The following SNX29 variants were observed in gnomAD, a reference collection of about 807,000 sequenced individuals.
The protein encoded by SNX29 is sorting nexin 29, also known as sorting nexin-29.
In SNX29, 78 loss-of-function variants were observed where a neutral mutation model predicts 102.1. The observed-to-expected ratio is 0.76, with a 90% CI of 0.64 to 0.92. The LOEUF (loss-of-function observed/expected upper bound fraction) is 0.92, where lower values mean the gene tolerates loss of function less well. Among genes scored for constraint, SNX29 ranks in the 40% least tolerant of loss-of-function variants. The pLI is 0.00. For synonymous variants in SNX29, 580 were observed against 414.5 expected, an observed-to-expected ratio of 1.40 and a Z score of -4.85; for missense variants, 1,280 against 1,061.7, an observed-to-expected ratio of 1.21 and a Z score of -2.86.
chr16:12,151,326 G>A (rs2055292058), intron 13 of SNX29, among the ~76,000 whole-genome samples: 1 of 152,088 alleles, frequency 6.6e-6, no homozygotes, highest in Admixed American at 6.6e-5. Flanking sequence ...AATAAAATTA[G>A]CAACAGTCTC....
chr16:12,082,773 G>C (rs1029112711), intron 11 of SNX29, among the ~76,000 whole-genome samples: 1 of 152,086 alleles, frequency 6.6e-6, no homozygotes, highest in Admixed American at 6.6e-5. Context: ...TGTACCTTTA[G>C]GAGTCTTCAA....
intron 13 of SNX29, among the ~76,000 whole-genome samples, chr16:12,170,749 TGTGTGTGTGTGAGAGGAGTGTGA>T (rs1394956056): frequency 9.7e-5 from 13 of 134,402 alleles, no homozygotes; most frequent in Non-Finnish European, 1.2e-4. Flanking sequence ...AGTGAGTGAG[TGTGTGTGTGTGAGAGGAGTGTGA>T]GTGTGTGTGT....
At chr16:12,032,203 CTTT>C (rs781326269) in intron 4 of SNX29, among the ~76,000 whole-genome samples, 5 of 124,410 alleles carry the variant, frequency 4.0e-5, no homozygotes, top group Admixed American at 8.1e-5. Context: ...TCTTCTTCTT[CTTT>C]TTTTTTTTTT....
chr16:12,568,402 GCCAATCAGAT>G, intron 20 of SNX29, 94 bp from the exon 21 acceptor site: 1 of 1,471,108 alleles, frequency 6.8e-7, no homozygotes, highest in Non-Finnish European at 9.2e-7. Context: ...AGTCACAGTT[GCCAATCAGAT>G]CCCTCCTGCC....
intron 7 of SNX29, among the ~76,000 whole-genome samples, chr16:12,048,890 C>T (rs2050195041): frequency 6.6e-6 from 1 of 152,128 alleles, no homozygotes; most frequent in East Asian, 1.9e-4. Context: ...AGCCAGATGA[C>T]GTTGATCCTC....
chr16:12,006,415 C>G (rs1278522386), intron 3 of SNX29, among the ~76,000 whole-genome samples: 1 of 150,320 alleles, frequency 6.7e-6, no homozygotes, highest in East Asian at 2.0e-4. Context: ...AGCAGGGAGG[C>G]TGAGGCAGGA....
At chr16:12,111,195 C>T (rs1443465465) in intron 11 of SNX29, among the ~76,000 whole-genome samples, 1 of 152,176 alleles carries the variant, frequency 6.6e-6, no homozygotes, top group African/African-American at 2.4e-5. Flanking sequence ...TGCACCCCAG[C>T]AGGATGGTGG....
chr16:12,381,015 C>G (rs1243833657), intron 16 of SNX29, among the ~76,000 whole-genome samples: 2 of 105,610 alleles, frequency 1.9e-5, no homozygotes, highest in African/African-American at 7.5e-5. Flanking sequence ...CATCCACCCA[C>G]CCACCATCCA....
At chr16:12,504,769 A>G (rs183593394) in intron 19 of SNX29, among the ~76,000 whole-genome samples, 6 of 152,240 alleles carry the variant, frequency 3.9e-5, no homozygotes, top group Non-Finnish European at 5.9e-5. Context: ...GTATGTATGT[A>G]TAGGAGAAAA....
At chr16:12,346,807 A>G (rs78915213) in intron 15 of SNX29, among the ~76,000 whole-genome samples, 9,631 of 152,134 alleles carry the variant, frequency 0.063, 1,007 homozygotes, top group African/African-American at 0.22. Flanking sequence ...GGGCTGTTGT[A>G]GGGGCCAGGA....
rs148805986 is a variant in SNX29 at position 12,246,515 on chromosome 16, C to T, written c.1679-31418C>T. Among the ~76,000 whole-genome samples the T allele has an allele frequency of 1.2e-3, 188 of 152,214 alleles. 3 individuals are homozygous for T. Among genetic ancestry groups the T allele is most frequent in the Middle Eastern group, 0.01 (3 of 294 alleles). ...AATTAGCTGGGTGTAGTGGCACACT[C>T]CTGTAATCCCAGCTACTCAGGAGGC... is the stretch of plus-strand genomic sequence containing the variant. On this transcript the variant is annotated intron_variant, in intron 14 of 20. Coordinates refer to ENST00000566228, the MANE Select transcript of SNX29 (RefSeq NM_032167.5).
intron 15 of SNX29, among the ~76,000 whole-genome samples, chr16:12,323,607 A>G (rs1340979057): frequency 6.6e-6 from 1 of 152,064 alleles, no homozygotes; most frequent in East Asian, 1.9e-4. Flanking sequence ...GAAAGGGAAA[A>G]GCTTTGTCTG....
At chr16:12,554,278 C>T (rs1049149963) in intron 20 of SNX29, among the ~76,000 whole-genome samples, 6 of 152,230 alleles carry the variant, frequency 3.9e-5, no homozygotes, top group African/African-American at 1.4e-4. Context: ...TCTGTGTATA[C>T]ATGGGTGCTT....
intron 18 of SNX29, among the ~76,000 whole-genome samples, chr16:12,449,510 A>T (rs757987519): frequency 1.4e-4 from 21 of 152,150 alleles, no homozygotes; most frequent in Non-Finnish European, 2.8e-4. Flanking sequence ...AAACTGGCTT[A>T]CAGAAAAAGG....
chr16:12,076,028 T>C (rs2151326297), intron 10 of SNX29, among the ~76,000 whole-genome samples: 1 of 152,236 alleles, frequency 6.6e-6, no homozygotes, highest in Middle Eastern at 3.4e-3. Context: ...AAAAGCGCAG[T>C]ATTTGGGTGG....
chr16:12,550,962 G>A (rs2077938079), intron 20 of SNX29, among the ~76,000 whole-genome samples: 1 of 152,126 alleles, frequency 6.6e-6, no homozygotes, highest in Non-Finnish European at 1.5e-5. Flanking sequence ...GGTAGAATGG[G>A]CTTAGGGCAC....
At chr16:12,381,118 C>T (rs868583951) in intron 16 of SNX29, among the ~76,000 whole-genome samples, 1 of 16,050 alleles carries the variant, frequency 6.2e-5, no homozygotes, top group Non-Finnish European at 1.6e-4. Flanking sequence ...CACCCACCAT[C>T]CATCCACCCA....
chr16:12,129,795 G>C, intron 13 of SNX29, 37 bp downstream of exon 13: 1 of 1,564,286 alleles, frequency 6.4e-7, no homozygotes, highest in Non-Finnish European at 8.7e-7. Context: ...TAAGCACGTG[G>C]GGGCTTCATT....
At chr16:12,554,970 G>T (rs1367206330) in intron 20 of SNX29, among the ~76,000 whole-genome samples, 8 of 151,936 alleles carry the variant, frequency 5.3e-5, no homozygotes, top group African/African-American at 1.9e-4. Flanking sequence ...GGTGGTGAGG[G>T]GGGTCAGTCA....
Sources: allele counts gnomAD v4.1 joint callset (sites outside exome capture counted in the v4.1 genomes callset), GRCh38; gene constraint gnomAD v4.1.1; transcripts MANE v1.5; gene names NCBI Gene and HGNC (gene_info 2026-07-23, HGNC 2026-07-21).